ROBO2: variants seen among roughly 807,000 people sequenced by gnomAD.
ROBO2 encodes the protein roundabout homolog 2.
Under a neutral mutation model 160.8 loss-of-function variants are expected in ROBO2, and 53 were observed. The ratio of observed to expected loss-of-function variants is 0.33; its 90% CI spans 0.26 to 0.41. The LOEUF (loss-of-function observed/expected upper bound fraction) is 0.41, where lower values mean the gene tolerates loss of function less well. ROBO2 is among the 10% of genes least tolerant of loss of function. The pLI, the probability that ROBO2 is intolerant of heterozygous loss-of-function variation, is 1.00. For missense variants in ROBO2, 1,577 were observed against 1,722.4 expected, an observed-to-expected ratio of 0.92 and a Z score of 1.49; for synonymous variants, 664 against 611.7, an observed-to-expected ratio of 1.09 and a Z score of -1.26.
chr3:77,635,061 A>C lies in ROBO2; in HGVS notation c.3934+18A>C. On this transcript the variant is annotated intron_variant, in intron 24 of 25. Transcript: ENST00000461745. ...GACAGATGGTAGGTTTCTTCCCTTT[A>C]CTCTTGTTTCCTCGCTGAAGAGACG... 1 of 1,613,144 alleles carries C rather than the reference A, an allele frequency of 6.2e-7. No individual in the cohort carries two copies. Among genetic ancestry groups the C allele is most frequent in the Non-Finnish European group, 8.5e-7 (1 of 1,179,432 alleles).
At chr3:77,464,885 T>C (rs547473893) in intron 2 of ROBO2, among the ~76,000 whole-genome samples, 1 of 152,330 alleles carries the variant, frequency 6.6e-6, no homozygotes, top group Admixed American at 6.5e-5. Flanking sequence ...AGGTCTTTCC[T>C]TTAACTAAAT....
At chr3:77,406,639 GATATTAAA>G (rs1377570739) in intron 2 of ROBO2, among the ~76,000 whole-genome samples, 3 of 151,862 alleles carry the variant, frequency 2.0e-5, no homozygotes, top group Non-Finnish European at 2.9e-5. Context: ...TTTTTCCCAA[GATATTAAA>G]ATATATTTAC....
chr3:76,392,494 C>A (rs2077204382), intron 2 of ROBO2, among the ~76,000 whole-genome samples: 1 of 151,982 alleles, frequency 6.6e-6, no homozygotes. Context: ...TTTCTTAATT[C>A]TTTATTTTAA....
At chr3:77,400,450 G>A (rs1399284320) in intron 2 of ROBO2, among the ~76,000 whole-genome samples, 1 of 152,164 alleles carries the variant, frequency 6.6e-6, no homozygotes, top group Non-Finnish European at 1.5e-5. Flanking sequence ...GCCTTTTAAA[G>A]TAAATCAGAC....
At position 77,200,264 on chromosome 3, in the gene ROBO2, A is replaced by T. The variant is rs1191375405; in HGVS notation, c.388+101924A>T. The stretch of plus-strand genomic sequence containing the variant: ...TGTGTATGTATATCCTAACTAACAT[A>T]TTTTATATATATATATATATATATA... On this transcript the variant is annotated intron_variant, in intron 2 of 25. Transcript: ENST00000461745. Among the ~76,000 whole-genome samples, 8 of 65,330 alleles carry T rather than the reference A, an allele frequency of 1.2e-4. No homozygotes were observed. In the East Asian group the frequency reaches 3.5e-3, roughly 29 times the overall value. The allele number at this position is 65,330 out of a possible 152,430, so 42.9% of individuals were successfully genotyped here.
At chr3:77,161,496 A>G (rs541214091) in intron 2 of ROBO2, among the ~76,000 whole-genome samples, 1 of 152,340 alleles carries the variant, frequency 6.6e-6, no homozygotes, top group African/African-American at 2.4e-5. Flanking sequence ...AAGATTTTAA[A>G]TTATTTTCAG....
rs527733334 is a variant in ROBO2, at chr3:76,865,690, C to A, written c.110-232324C>A. 6.7e-4 allele frequency among the ~76,000 whole-genome samples: 102 copies of A among 152,116 alleles called. 2 individuals carry two copies. In the South Asian group the frequency reaches 0.021, roughly 32 times the overall value. Reference sequence around the variant, plus strand: ...TATAAATGTCACTGATATTTGTCAGCCTGATTCATTGTAGTGAAACAAAAT... The same window carrying A: ...TATAAATGTCACTGATATTTGTCAGACTGATTCATTGTAGTGAAACAAAAT... On this transcript the variant is annotated intron_variant, in intron 2 of 26. Transcript: ENST00000487694.
intron 2 of ROBO2, among the ~76,000 whole-genome samples, chr3:76,962,062 C>A (rs1041128648): frequency 3.9e-5 from 6 of 151,974 alleles, no homozygotes; most frequent in Non-Finnish European, 8.8e-5. Flanking sequence ...TTGCCAGGCA[C>A]GGTGGCTCAC....
At chr3:76,022,282 C>G (rs192667018) in intron 2 of ROBO2, among the ~76,000 whole-genome samples, 1 of 151,842 alleles carries the variant, frequency 6.6e-6, no homozygotes, top group South Asian at 2.1e-4. Flanking sequence ...GAGAGTTGGA[C>G]TCAACTTCTT....
chr3:76,451,266 C>T (rs976900446), intron 2 of ROBO2, among the ~76,000 whole-genome samples: 5 of 152,120 alleles, frequency 3.3e-5, no homozygotes, highest in African/African-American at 1.2e-4. Flanking sequence ...TTGGTAAATG[C>T]TAGCAATGCC....
At chr3:76,187,324 G>C (rs1701811722) in intron 2 of ROBO2, among the ~76,000 whole-genome samples, 1 of 152,004 alleles carries the variant, frequency 6.6e-6, no homozygotes, top group Non-Finnish European at 1.5e-5. Context: ...GCCCAGGCTG[G>C]AGTGCAGTGG....
intron 2 of ROBO2, among the ~76,000 whole-genome samples, chr3:76,751,469 A>G (rs1321047816): frequency 6.6e-6 from 1 of 151,802 alleles, no homozygotes; most frequent in African/African-American, 2.4e-5. Flanking sequence ...TAATTAAACT[A>G]AAGAATTTAA....
chr3:76,949,830 C>A (rs1461339065), intron 2 of ROBO2, among the ~76,000 whole-genome samples: 3 of 152,180 alleles, frequency 2.0e-5, no homozygotes, highest in Non-Finnish European at 4.4e-5. Context: ...TGAGCACAGA[C>A]CCAGGAGTTC....
At chr3:76,318,677 A>G (rs1169443347) in intron 2 of ROBO2, among the ~76,000 whole-genome samples, 2 of 152,144 alleles carry the variant, frequency 1.3e-5, no homozygotes, top group Non-Finnish European at 2.9e-5. Context: ...CAACTTAGCT[A>G]TAAAATTTTT....
chr3:77,063,068 T>C (rs2066483554), intron 1 of ROBO2, among the ~76,000 whole-genome samples: 1 of 152,198 alleles, frequency 6.6e-6, no homozygotes, highest in African/African-American at 2.4e-5. Flanking sequence ...TGTCTCTGAA[T>C]ACTGTAGAGC....
intron 2 of ROBO2, among the ~76,000 whole-genome samples, chr3:76,018,837 G>A (rs997430587): frequency 1.3e-5 from 2 of 151,680 alleles, no homozygotes; most frequent in East Asian, 3.9e-4. Flanking sequence ...AGTTCCAAGC[G>A]TATCTGAGAA....
chr3:76,027,092 T>C (rs767189839), intron 2 of ROBO2, among the ~76,000 whole-genome samples: 1 of 151,982 alleles, frequency 6.6e-6, no homozygotes, highest in African/African-American at 2.4e-5. Flanking sequence ...TGACTCCCAA[T>C]TTTCATTTAG....
intron 2 of ROBO2, among the ~76,000 whole-genome samples, chr3:76,212,651 T>C (rs1374860447): frequency 3.9e-5 from 6 of 152,084 alleles, no homozygotes; most frequent in Non-Finnish European, 5.9e-5. Context: ...ATTACAAGTG[T>C]GGTAGGATTT....
intron 21 of ROBO2, among the ~76,000 whole-genome samples, chr3:77,616,914 G>T (rs2094792575): frequency 6.6e-6 from 1 of 152,102 alleles, no homozygotes; most frequent in Admixed American, 6.6e-5. Flanking sequence ...TATAGGGCAA[G>T]GTTTTGAACT....
Sources: gnomAD v4.1 joint callset for allele counts (sites outside exome capture counted in the v4.1 genomes callset) on GRCh38, gnomAD v4.1.1 for gene constraint, MANE v1.5 for transcripts, NCBI Gene and HGNC (gene_info 2026-07-23, HGNC 2026-07-21) for gene names.